ABCA3: variants seen among roughly 807,000 people sequenced by gnomAD.
ABCA3 encodes the protein phospholipid-transporting ATPase ABCA3.
In ABCA3, 88 loss-of-function variants were observed where a neutral mutation model predicts 172.8. That is an observed-to-expected ratio of 0.51 (90% confidence interval 0.43 to 0.61). The LOEUF (loss-of-function observed/expected upper bound fraction) is 0.61, where lower values mean the gene tolerates loss of function less well. Ranked by LOEUF, ABCA3 falls within the 20% of genes least tolerant of loss-of-function variation. ABCA3 has a pLI of 0.00. For synonymous variants in ABCA3, 1,066 were observed against 983.8 expected, an observed-to-expected ratio of 1.08 and a Z score of -1.56; for missense variants, 2,164 against 2,301.0, an observed-to-expected ratio of 0.94 and a Z score of 1.22.
Position 2,277,901 on chromosome 16 carries a change from G to C in ABCA3, c.4887C>G (p.Ala1629=). ...GQQEALEEFK[A]FVDLTFPGSV... Reference sequence around the variant, plus strand: ...CACCTGGAAAGGTCAGGTCCACGAAGGCCTTGAACTCCTCCAGCGCCTCCT... The same window carrying C: ...CACCTGGAAAGGTCAGGTCCACGAACGCCTTGAACTCCTCCAGCGCCTCCT... Residue 1629 remains alanine (A), a synonymous_variant, in exon 31 of 33, where the codon GCC becomes GCG. Transcript: ENST00000301732. This position sits in a 1 kb window ranked among gnomAD's most constrained non-coding sequence, Gnocchi z 5.3. The C allele has an allele frequency of 1.2e-6, 2 of 1,610,074 alleles. No individual in the cohort carries two copies. The highest frequency in any genetic ancestry group is 1.7e-6 in the Non-Finnish European group (2 of 1,179,988).
Position 2,276,210 on chromosome 16 carries a change from C to A in ABCA3, c.*464G>T. ...GCTTCCCTCCACTGACAGTGATCTG[C>A]ATGGTCCATTCCTGGCGGCCTGGGG... On this transcript the variant is annotated 3_prime_UTR_variant, in exon 33 of 33. Transcript: ENST00000301732. 2 of 429,444 alleles carry A rather than the reference C, an allele frequency of 4.7e-6. No individual in the cohort carries two copies. The highest frequency in any genetic ancestry group is 5.0e-5 in the Admixed American group (2 of 39,930). 26.6% of individuals were successfully genotyped at this position (429,444 alleles called of 1,614,324 possible).
chr16:2,317,115 T>C (rs549856140), intron 10 of ABCA3, among the ~76,000 whole-genome samples, 168 bp downstream of exon 10: 4 of 152,284 alleles, frequency 2.6e-5, no homozygotes, highest in Admixed American at 2.0e-4. Context: ...TCCTTCTCCC[T>C]AAATTACGCT....
rs140948738 is a variant in ABCA3 at position 2,284,346 on chromosome 16, G to C, written c.3795C>G (p.Tyr1265Ter). The C allele has an allele frequency of 2.5e-6, 4 of 1,613,970 alleles. No homozygotes were observed. Among genetic ancestry groups the C allele is most frequent in the East Asian group, 2.2e-5 (1 of 44,882 alleles). Residue 1265 changes from tyrosine (Y) to a stop codon, truncating the protein, a stop_gained, in exon 25 of 33, where the codon TAC becomes TAG. Transcript: ENST00000301732. LOFTEE classifies it high-confidence loss of function. The surrounding 1 kb of genome is among the most constrained non-coding windows in gnomAD (Gnocchi z 5.9). ...HCLGMAVSSFYENYETRRYCT... is the reference protein window; with the variant it reads ...HCLGMAVSSF ...AGTACCTCCGCGTCTCGTAGTTCTC[G>C]TAGAAACTGCTGACTGCCATCCCCA... is the stretch of plus-strand genomic sequence containing the variant.
chr16:2,299,665 G>A, intron 13 of ABCA3, 133 bp from the exon 14 acceptor site: 3 of 1,407,284 alleles, frequency 2.1e-6, no homozygotes, highest in Non-Finnish European at 3.0e-6. Context: ...CAGAGGGGAG[G>A]GACGTTTCGG....
Position 2,297,425 on chromosome 16 carries a change from T to C in ABCA3, c.2167A>G (p.Met723Val), listed in dbSNP as rs1451051046. 1 of 1,613,714 alleles carries C rather than the reference T, an allele frequency of 6.2e-7. No individual in the cohort carries two copies. The highest frequency in any genetic ancestry group is 8.5e-7 in the Non-Finnish European group (1 of 1,179,982). Residue 723 changes from methionine (M) to valine (V), a missense_variant, in exon 17 of 33, where the codon ATG becomes GTG. This residue lies in a region of ABCA3 where 1,343 missense variants were observed against 1,369.6 expected (regional missense o/e 0.98). Coordinates refer to ENST00000301732, the MANE Select transcript of ABCA3 (RefSeq NM_001089.3). This position sits in a 1 kb window ranked among gnomAD's most constrained non-coding sequence, Gnocchi z 5.6. Reference protein sequence around the residue: ...DRTIVLTTHFMDEADLLGDRI... With the variant: ...DRTIVLTTHFVDEADLLGDRI... ...TCTCCCAGCAGGTCAGCCTCGTCCA[T>C]GAAGTGGGTGGTCAGCACGATGGTG... is the stretch of plus-strand genomic sequence containing the variant.
chr16:2,289,261 C>G, intron 20 of ABCA3, 173 bp downstream of exon 20: 2 of 734,782 alleles, frequency 2.7e-6, no homozygotes, highest in Non-Finnish European at 4.4e-6. Flanking sequence ...CATTCAAACG[C>G]TTCTCCCTGC....
intron 8 of ABCA3, among the ~76,000 whole-genome samples, chr16:2,319,353 C>T (rs1204160879): frequency 7.2e-5 from 11 of 151,984 alleles, no homozygotes; most frequent in Admixed American, 4.6e-4. Flanking sequence ...GGTGTGGTGG[C>T]AGGCACCTAT....
At chr16:2,307,105 G>A (rs1365995653) in intron 11 of ABCA3, among the ~76,000 whole-genome samples, 1 of 151,366 alleles carries the variant, frequency 6.6e-6, no homozygotes, top group Non-Finnish European at 1.5e-5. Context: ...GACACAGCGA[G>A]ACCCTGTCTC....
chr16:2,327,917 C>T (rs1284175016), intron 3 of ABCA3, among the ~76,000 whole-genome samples: 3 of 152,070 alleles, frequency 2.0e-5, no homozygotes, highest in Non-Finnish European at 4.4e-5. Flanking sequence ...GATGGGGTTT[C>T]ACCATGTTGG....
intron 18 of ABCA3, among the ~76,000 whole-genome samples, chr16:2,292,766 T>G (rs12598628): frequency 4.4e-4 from 66 of 151,598 alleles, no homozygotes; most frequent in African/African-American, 1.5e-3. Flanking sequence ...CTAAAATAAA[T>G]AAAACAAAAC....
Position 2,325,942 on chromosome 16 carries a change from G to A in ABCA3, c.319+68C>T, listed in dbSNP as rs1255131254. On this transcript the variant is annotated intron_variant, in intron 5 of 32. Coordinates refer to ENST00000301732, the MANE Select transcript of ABCA3 (RefSeq NM_001089.3). ...CAGCTGCTTCGCACATCCTGGGCTCGACCCCTGCCTGCCCAGCCGCGTGGA... is the reference window on the plus strand; with the variant it reads ...CAGCTGCTTCGCACATCCTGGGCTCAACCCCTGCCTGCCCAGCCGCGTGGA... The A allele has an allele frequency of 1.8e-5, 29 of 1,603,638 alleles. No individual in the cohort carries two copies. The Admixed American group carries it at 2.0e-4, about 11-fold the overall frequency.
chr16:2,325,287 C>T (rs2093732511), intron 5 of ABCA3, among the ~76,000 whole-genome samples: 1 of 152,204 alleles, frequency 6.6e-6, no homozygotes, highest in Admixed American at 6.5e-5. Flanking sequence ...CCAGGCATCC[C>T]TGTAAAGTCC....
At chr16:2,276,859 G>A (rs2093647240) in intron 32 of ABCA3, 54 bp from the exon 33 acceptor site, 2 of 1,609,064 alleles carry the variant, frequency 1.2e-6, no homozygotes, top group Non-Finnish European at 1.7e-6. Context: ...AGGCTCCTCT[G>A]CGGGACCTGG....
Position 2,319,839 on chromosome 16 carries a change from C to T in ABCA3, c.615G>A (p.Gly205=), listed in dbSNP as rs780862032. Residue 205 remains glycine (G), a splice_region_variant and synonymous_variant, in exon 8 of 33, where the codon GGG becomes GGA. Coordinates refer to ENST00000301732, the MANE Select transcript of ABCA3 (RefSeq NM_001089.3). ...EPTSPDGGEP[G]YIREGFLAVQ... ...CGGCCAGGAAGCCTTCCCGGATGTA[C>T]CCTGGGTGCGGGAGCAGAGGATGGC... 1.2e-6 allele frequency: 2 copies of T among 1,613,486 alleles called. No homozygotes were observed. The highest frequency in any genetic ancestry group is 1.3e-5 in the African/African-American group (1 of 74,874).
chr16:2,299,584 G>A (rs755130041), intron 13 of ABCA3, 52 bp from the exon 14 acceptor site: 18 of 1,607,622 alleles, frequency 1.1e-5, no homozygotes, highest in East Asian at 4.5e-5. Context: ...CGAGGCCCAC[G>A]GCCAAGGCCT....
chr16:2,292,063 A>C, intron 19 of ABCA3, 77 bp downstream of exon 19: 1 of 1,159,116 alleles, frequency 8.6e-7, no homozygotes, highest in Non-Finnish European at 1.3e-6. Context: ...ACTAGAGTGA[A>C]ACTCCATCTC....
chr16:2,294,925 G>C (rs1303253601), intron 18 of ABCA3, among the ~76,000 whole-genome samples: 2 of 152,204 alleles, frequency 1.3e-5, no homozygotes, highest in Non-Finnish European at 2.9e-5. Context: ...AGAGGTTGCA[G>C]TGAGCTGAGA....
In ABCA3 at chr16:2,281,179, A is replaced by T; in HGVS notation, c.4207T>A (p.Ser1403Thr). The change falls in exon 28 of 33, where the codon TCC becomes ACC. Residue 1403 changes from serine to threonine, a missense_variant. By Grantham distance (58) the Ser-to-Thr change is moderately conservative. Around this residue, in one of 3 missense-constraint regions of ABCA3, gnomAD observed 795 missense variants for 881.9 expected, o/e 0.90. Coordinates refer to ENST00000301732, the MANE Select transcript of ABCA3 (RefSeq NM_001089.3). The surrounding 1 kb of genome is among the most constrained non-coding windows in gnomAD (Gnocchi z 4.7). ...CACTCCCCTTTCTGCACCGCGAGGG[A>T]GAGCCTGTCCACGGCCAGGAGGGGC... ...RVPLLAVDRL[S>T]LAVQKGECFG... 6.2e-7 allele frequency: 1 copy of T among 1,613,712 alleles called. No homozygotes were observed. Among genetic ancestry groups the T allele is most frequent in the Non-Finnish European group, 8.5e-7 (1 of 1,180,012 alleles).
chr16:2,334,834 T>C (rs1006730792), intron 1 of ABCA3, among the ~76,000 whole-genome samples: 31 of 151,260 alleles, frequency 2.0e-4, no homozygotes, highest in African/African-American at 2.9e-4. Flanking sequence ...TTAGTTCTTT[T>C]TTTTTTTTTT....
Sources: gnomAD v4.1 joint callset for allele counts (sites outside exome capture counted in the v4.1 genomes callset) on GRCh38, gnomAD v4.1.1 for gene constraint, gnomAD v4.1.1 regional missense constraint, Gnocchi (gnomAD v3.1) non-coding constraint, MANE v1.5 for transcripts, NCBI Gene and HGNC (gene_info 2026-07-23, HGNC 2026-07-21) for gene names.